TMEM132B: variants seen among roughly 807,000 people sequenced by gnomAD.
TMEM132B encodes transmembrane protein 132B.
Under a neutral mutation model 90.8 loss-of-function variants are expected in TMEM132B, and 18 were observed. The ratio of observed to expected loss-of-function variants is 0.20; its 90% CI spans 0.14 to 0.29. The LOEUF is 0.29. Among genes scored for constraint, TMEM132B ranks in the 10% least tolerant of loss-of-function variants. The pLI, the probability that TMEM132B is intolerant of heterozygous loss-of-function variation, is 1.00. For synonymous variants in TMEM132B, 504 were observed against 523.3 expected (o/e 0.96, Z 0.50); for missense variants, 1,096 against 1,326.8 (o/e 0.83, Z 2.70).
At chr12:125,582,610 G>A (rs1025075769) in intron 4 of TMEM132B, among the ~76,000 whole-genome samples, 5 of 152,246 alleles carry the variant, frequency 3.3e-5, no homozygotes, top group African/African-American at 1.2e-4. Context: ...AGGCAAGTGC[G>A]AAGTGGCATC....
chr12:125,524,400 G>A (rs1409358189), intron 4 of TMEM132B, among the ~76,000 whole-genome samples: 1 of 152,174 alleles, frequency 6.6e-6, no homozygotes, highest in Non-Finnish European at 1.5e-5. Context: ...TACCTTCGAG[G>A]TAGGTGGCAG....
intron 2 of TMEM132B, among the ~76,000 whole-genome samples, chr12:125,371,093 C>T (rs1878280243): frequency 6.6e-6 from 1 of 152,118 alleles, no homozygotes; most frequent in Non-Finnish European, 1.5e-5. Context: ...AGCCAAAAAT[C>T]CTGGAGTCTG....
At chr12:125,262,451 G>C (rs990459559) in intron 1 of TMEM132B, among the ~76,000 whole-genome samples, 3 of 152,138 alleles carry the variant, frequency 2.0e-5, no homozygotes, top group Non-Finnish European at 4.4e-5. Flanking sequence ...TCTTGAAACA[G>C]AGAAAGCACT....
In TMEM132B at chr12:125,326,590, G is replaced by C. The variant is rs776894202; in HGVS notation, c.68-22862G>C. 1.8e-5 allele frequency: 28 copies of C among 1,594,420 alleles called. No individual in the cohort carries two copies. In the Admixed American group the frequency reaches 4.8e-4, roughly 28 times the overall value. ...GGGTGTTGAATAAAGCTGAAGATTT[G>C]GTGCCCTCGCCTCAGCTCCAGACTC... On this transcript the variant is annotated intron_variant, in intron 1 of 8. Coordinates refer to ENST00000682704, the MANE Select transcript of TMEM132B (RefSeq NM_001366854.1).
chr12:125,321,124 A>G (rs1191620097), intron 1 of TMEM132B, among the ~76,000 whole-genome samples: 3 of 152,198 alleles, frequency 2.0e-5, no homozygotes, highest in Non-Finnish European at 4.4e-5. Context: ...AGTTCTGGAA[A>G]AGAGGTGCTG....
At chr12:125,204,288 A>G (rs568190858) in intron 1 of TMEM132B, among the ~76,000 whole-genome samples, 5 of 129,408 alleles carry the variant, frequency 3.9e-5, no homozygotes, top group South Asian at 5.3e-4. Flanking sequence ...TATCTCATGA[A>G]TCCTTTCAAT....
intron 3 of TMEM132B, among the ~76,000 whole-genome samples, chr12:125,495,431 A>G (rs1882538313): frequency 6.6e-6 from 1 of 152,096 alleles, no homozygotes; most frequent in Admixed American, 6.5e-5. Flanking sequence ...CCAGGCCTCA[A>G]GGGACTTTTG....
At chr12:125,543,444 C>T (rs762756125) in intron 4 of TMEM132B, among the ~76,000 whole-genome samples, 2 of 152,164 alleles carry the variant, frequency 1.3e-5, no homozygotes, top group Admixed American at 6.5e-5. Context: ...ATTATTTAAA[C>T]TACACAGCAG....
Position 125,605,773 on chromosome 12 carries a change from A to G in TMEM132B, c.1437+21779A>G, listed in dbSNP as rs114983845. On this transcript the variant is annotated intron_variant, in intron 5 of 8. Coordinates refer to ENST00000682704, the MANE Select transcript of TMEM132B (RefSeq NM_001366854.1). The stretch of plus-strand genomic sequence containing the variant: ...TACAGATATGGCAGCTGAGGCAAAG[A>G]GAATAAGGATGTTGGTTCACCATCC... Among the ~76,000 whole-genome samples, 384 of 152,302 alleles carry G rather than the reference A, an allele frequency of 2.5e-3. 1 individual carries two copies. The highest frequency in any genetic ancestry group is 9.0e-3 in the African/African-American group (373 of 41,570).
At chr12:125,511,954 T>A (rs1882992353) in intron 3 of TMEM132B, among the ~76,000 whole-genome samples, 1 of 151,604 alleles carries the variant, frequency 6.6e-6, no homozygotes, top group African/African-American at 2.4e-5. Context: ...GAGGTGAGGG[T>A]TCACCACCAA....
At chr12:125,426,244 T>G (rs1431061807) in intron 3 of TMEM132B, among the ~76,000 whole-genome samples, 1 of 152,266 alleles carries the variant, frequency 6.6e-6, no homozygotes, top group African/African-American at 2.4e-5. Flanking sequence ...CTATATATCT[T>G]CTTTGGTCAG....
At chr12:125,465,866 C>G (rs567777794) in intron 3 of TMEM132B, among the ~76,000 whole-genome samples, 15 of 152,286 alleles carry the variant, frequency 9.8e-5, no homozygotes, top group South Asian at 4.2e-4. Context: ...CTGCCTCGCT[C>G]TCTCTTGCTC....
intron 1 of TMEM132B, among the ~76,000 whole-genome samples, chr12:125,254,453 A>C (rs1396492543): frequency 6.6e-6 from 1 of 152,076 alleles, no homozygotes; most frequent in Non-Finnish European, 1.5e-5. Context: ...AAGCAGCAGC[A>C]GATGTTTCCT....
intron 1 of TMEM132B, among the ~76,000 whole-genome samples, chr12:125,252,740 T>C (rs1378452381): frequency 6.6e-6 from 1 of 152,168 alleles, no homozygotes; most frequent in African/African-American, 2.4e-5. Flanking sequence ...TGACCAAGGA[T>C]GACTGTCTCC....
intron 1 of TMEM132B, among the ~76,000 whole-genome samples, chr12:125,200,954 A>G (rs1015085088): frequency 6.6e-6 from 1 of 152,258 alleles, no homozygotes; most frequent in African/African-American, 2.4e-5. Flanking sequence ...ATCTTAGAAT[A>G]GGAGCACCGT....
intron 1 of TMEM132B, among the ~76,000 whole-genome samples, chr12:125,244,880 A>G (rs1338875454): frequency 1.3e-5 from 2 of 152,184 alleles, no homozygotes; most frequent in African/African-American, 4.8e-5. Flanking sequence ...ATGTCTGGCC[A>G]GGGGCCTTTA....
At chr12:125,364,788 A>G (rs140936615) in intron 2 of TMEM132B, among the ~76,000 whole-genome samples, 6 of 152,004 alleles carry the variant, frequency 3.9e-5, no homozygotes, top group African/African-American at 1.2e-4. Context: ...TTTTATTTTC[A>G]TTTTAAGATG....
intron 2 of TMEM132B, among the ~76,000 whole-genome samples, chr12:125,404,556 G>A (rs548300126): frequency 5.3e-5 from 8 of 152,166 alleles, no homozygotes; most frequent in Admixed American, 1.3e-4. Context: ...GCTGATCCAC[G>A]TCTTTGTTCC....
chr12:125,541,939 G>A (rs887565612), intron 4 of TMEM132B, among the ~76,000 whole-genome samples: 5 of 150,808 alleles, frequency 3.3e-5, no homozygotes, highest in African/African-American at 1.2e-4. Flanking sequence ...GCAGGAGAAT[G>A]GCGTGAACCC....
Sources: gnomAD v4.1 joint callset for allele counts (sites outside exome capture counted in the v4.1 genomes callset) on GRCh38, gnomAD v4.1.1 for gene constraint, MANE v1.5 for transcripts, NCBI Gene and HGNC (gene_info 2026-07-23, HGNC 2026-07-21) for gene names.